The following BBS9 variants were observed in gnomAD, a reference collection of about 807,000 sequenced individuals.
BBS9 encodes the protein Bardet-Biedl syndrome 9.
In BBS9, 89 loss-of-function variants were observed where a neutral mutation model predicts 117.7. The ratio of observed to expected loss-of-function variants is 0.76; its 90% confidence interval spans 0.64 to 0.90. BBS9 has a LOEUF of 0.90. Among genes scored for constraint, BBS9 ranks in the 40% least tolerant of loss-of-function variants. The probability of loss-of-function intolerance (pLI) is 0.00; values close to 1 mark genes in which losing one functional copy is unlikely to be tolerated. For missense variants in BBS9, 982 were observed against 1,042.2 expected, an observed-to-expected ratio of 0.94 and a Z score of 0.80; for synonymous variants, 379 against 370.9, an observed-to-expected ratio of 1.02 and a Z score of -0.25.
intron 4 of BBS9, among the ~76,000 whole-genome samples, chr7:33,160,278 T>C (rs966212832): frequency 1.3e-5 from 2 of 152,192 alleles, no homozygotes; most frequent in African/African-American, 4.8e-5. Flanking sequence ...GAAGACTTCT[T>C]GGAAATGTTC....
In BBS9 at chr7:33,562,907, A is replaced by G. The variant is rs148358051; in HGVS notation, c.2521+28731A>G. Among the ~76,000 whole-genome samples the G allele has an allele frequency of 9.3e-3, 1,414 of 152,246 alleles. 23 individuals are homozygous for G. The highest frequency in any genetic ancestry group is 0.032 in the African/African-American group (1,350 of 41,540). On this transcript the variant is annotated intron_variant, in intron 21 of 22. Transcript: ENST00000242067. ...CCACTGCACTCCAGGCTGGTGACAA[A>G]GCAAGACTCCATCTCAAAAGAAAAA...
At chr7:33,340,093 CAT>C (rs1007192957) in intron 10 of BBS9, among the ~76,000 whole-genome samples, 6 of 151,840 alleles carry the variant, frequency 4.0e-5, no homozygotes, top group East Asian at 1.9e-4. Context: ...ATGAAAATAA[CAT>C]GTGTATGGTA....
At chr7:33,267,145 C>T (rs750126162) in intron 7 of BBS9, among the ~76,000 whole-genome samples, 3 of 152,062 alleles carry the variant, frequency 2.0e-5, no homozygotes, top group Non-Finnish European at 4.4e-5. Flanking sequence ...TGAACCCCTC[C>T]CCTTTACATT....
intron 5 of BBS9, among the ~76,000 whole-genome samples, chr7:33,222,980 C>T (rs1201928431): frequency 6.6e-6 from 1 of 151,268 alleles, no homozygotes; most frequent in African/African-American, 2.4e-5. Flanking sequence ...ATTAAAAATT[C>T]CTAGTGGCTC....
chr7:33,560,350 T>C (rs372126154), intron 21 of BBS9, among the ~76,000 whole-genome samples: 43 of 152,272 alleles, frequency 2.8e-4, no homozygotes, highest in African/African-American at 9.4e-4. Context: ...CCCATCACAT[T>C]ACAAACAATT....
intron 9 of BBS9, chr7:33,314,612 G>A (rs1377812034): frequency 1.3e-5 from 2 of 153,020 alleles, no homozygotes; most frequent in Admixed American, 1.3e-4. Flanking sequence ...TAGTGTGTTT[G>A]TATTTGCTTA....
intron 21 of BBS9, among the ~76,000 whole-genome samples, chr7:33,587,634 A>G (rs1376039288): frequency 2.6e-5 from 4 of 152,116 alleles, no homozygotes; most frequent in African/African-American, 4.8e-5. Context: ...CAATTGTTTG[A>G]CAATTGCAAG....
intron 9 of BBS9, among the ~76,000 whole-genome samples, chr7:33,327,541 A>G (rs1342944293): frequency 6.6e-6 from 1 of 152,116 alleles, no homozygotes; most frequent in South Asian, 2.1e-4. Flanking sequence ...TCTAACAACA[A>G]CAAAAAAATT....
intron 20 of BBS9, among the ~76,000 whole-genome samples, chr7:33,526,333 C>G (rs1478292216): frequency 6.6e-6 from 1 of 152,190 alleles, no homozygotes; most frequent in Non-Finnish European, 1.5e-5. Context: ...GGATAATATC[C>G]TGTAGAGTGT....
In BBS9 at chr7:33,505,533, G is replaced by A. The variant is rs1393453305; in HGVS notation, c.2186G>A (p.Ser729Asn). The change falls in exon 20 of 23, where the codon AGT becomes AAT. Residue 729 changes from serine (S) to asparagine (N), a missense_variant. By Grantham distance (46) the Ser-to-Asn change is conservative. Coordinates refer to ENST00000242067, the MANE Select transcript of BBS9 (RefSeq NM_198428.3). Reference sequence around the variant, plus strand: ...TTCCAGTCATTCACCAGGCTGAAGAGTGCCACCCATTTGGTGATTCTGCTG... The same window carrying A: ...TTCCAGTCATTCACCAGGCTGAAGAATGCCACCCATTTGGTGATTCTGCTG... ...NLFQSFTRLK[S>N]ATHLVILLIA... 1.2e-6 allele frequency: 2 copies of A among 1,614,190 alleles called. No individual in the cohort carries two copies. The highest frequency in any genetic ancestry group is 4.5e-5 in the East Asian group (2 of 44,890).
At chr7:33,278,013 T>A (rs1801080343) in intron 9 of BBS9, among the ~76,000 whole-genome samples, 1 of 152,158 alleles carries the variant, frequency 6.6e-6, no homozygotes, top group Admixed American at 6.5e-5. Flanking sequence ...GAAGGGCTAT[T>A]TTTACTTAAA....
At chr7:33,214,663 T>A (rs1788691959) in intron 5 of BBS9, among the ~76,000 whole-genome samples, 1 of 151,996 alleles carries the variant, frequency 6.6e-6, no homozygotes, top group African/African-American at 2.4e-5. Context: ...ATCTTTACAA[T>A]GAAAACTATA....
rs761402596 is a variant in BBS9, at chr7:33,505,512, A to G, written c.2165A>G (p.Gln722Arg). ...AVEENQGNLF[Q>R]SFTRLKSATH... ...GAGGAAAACCAAGGCAATCTGTTCCAGTCATTCACCAGGCTGAAGAGTGCC... is the reference window on the plus strand; with the variant it reads ...GAGGAAAACCAAGGCAATCTGTTCCGGTCATTCACCAGGCTGAAGAGTGCC... Residue 722 changes from glutamine to arginine, a missense_variant, in exon 20 of 23, where the codon CAG becomes CGG. Physicochemically the swap from Gln to Arg is conservative, Grantham distance 43. Transcript: ENST00000242067. 1.9e-6 allele frequency: 3 copies of G among 1,614,172 alleles called. No individual in the cohort carries two copies. The highest frequency in any genetic ancestry group is 2.2e-5 in the South Asian group (2 of 91,088).
chr7:33,467,567 A>G (rs199879672), intron 19 of BBS9, among the ~76,000 whole-genome samples: 2 of 59,532 alleles, frequency 3.4e-5, no homozygotes, highest in East Asian at 5.5e-4. Flanking sequence ...GAACCCCCCA[A>G]CTCCGCCACC....
At chr7:33,437,184 T>C (rs995174099) in intron 19 of BBS9, among the ~76,000 whole-genome samples, 1 of 152,228 alleles carries the variant, frequency 6.6e-6, no homozygotes, top group Admixed American at 6.5e-5. Flanking sequence ...AGAAACCATC[T>C]AATTTAGGTT....
At chr7:33,428,982 T>C (rs1834035151) in intron 19 of BBS9, among the ~76,000 whole-genome samples, 1 of 152,190 alleles carries the variant, frequency 6.6e-6, no homozygotes, top group South Asian at 2.1e-4. Flanking sequence ...TCAAATGATA[T>C]ATCTTTTGGA....
At position 33,416,497 on chromosome 7, in the gene BBS9, T is replaced by C. The variant is rs57415509; in HGVS notation, c.2115+28353T>C. ...TTGTATATTTTAGGGTTCAGGACAC[T>C]ATAATGACCAGTACAGATCCCAAGG... On this transcript the variant is annotated intron_variant, in intron 19 of 22. Coordinates refer to ENST00000242067, the MANE Select transcript of BBS9 (RefSeq NM_198428.3). Among the ~76,000 whole-genome samples, 2,991 of 152,128 alleles carry C rather than the reference T, an allele frequency of 0.02. 198 individuals are homozygous for C. The East Asian group carries it at 0.26, about 13-fold the overall frequency.
chr7:33,452,491 A>G (rs1264667802), intron 19 of BBS9, among the ~76,000 whole-genome samples: 2 of 152,146 alleles, frequency 1.3e-5, no homozygotes, highest in East Asian at 3.9e-4. Flanking sequence ...CTTTGCCTTT[A>G]ATGTCTTTCT....
chr7:33,577,773 A>G (rs1859176446), intron 21 of BBS9, among the ~76,000 whole-genome samples: 1 of 152,170 alleles, frequency 6.6e-6, no homozygotes, highest in South Asian at 2.1e-4. Flanking sequence ...GAAGCTGGAA[A>G]CCATCATTCT....
Sources: gnomAD v4.1 joint callset for allele counts (sites outside exome capture counted in the v4.1 genomes callset) on GRCh38, gnomAD v4.1.1 for gene constraint, MANE v1.5 for transcripts, NCBI Gene and HGNC (gene_info 2026-07-23, HGNC 2026-07-21) for gene names.